MYO1D: variants seen among roughly 807,000 people sequenced by gnomAD.
MYO1D encodes myosin ID.
MYO1D carries 83 observed loss-of-function variants against 122.0 expected under a neutral mutation model. That is an observed-to-expected ratio of 0.68 (90% confidence interval 0.57 to 0.82). MYO1D has a LOEUF of 0.82. Among genes scored for constraint, MYO1D ranks in the 40% least tolerant of loss-of-function variants. The probability of loss-of-function intolerance (pLI) is 0.00; values close to 1 mark genes in which losing one functional copy is unlikely to be tolerated. For synonymous variants in MYO1D, 464 were observed against 446.9 expected (o/e 1.04, Z -0.48); for missense variants, 1,157 against 1,269.5 (o/e 0.91, Z 1.35).
intron 19 of MYO1D, among the ~76,000 whole-genome samples, chr17:32,653,221 C>T (rs1053965737): frequency 6.6e-6 from 1 of 151,520 alleles, no homozygotes; most frequent in African/African-American, 2.4e-5. Context: ...AGATATACAG[C>T]TGCTATGAAA....
intron 19 of MYO1D, 91 bp downstream of exon 19, chr17:32,653,752 T>A (rs534025110): frequency 9.3e-4 from 981 of 1,049,684 alleles, no homozygotes; most frequent in Non-Finnish European, 1.3e-3. Flanking sequence ...GTTATGTACC[T>A]ACTGTTATGT....
intron 21 of MYO1D, among the ~76,000 whole-genome samples, chr17:32,583,359 A>AT (rs1257537100): frequency 1.3e-5 from 2 of 151,656 alleles, no homozygotes; most frequent in Non-Finnish European, 2.9e-5. Context: ...TTTCTTCATG[A>AT]TTTTTTTTGT....
In MYO1D at chr17:32,695,415, T is replaced by C. The variant is rs187816417; in HGVS notation, c.2121+16573A>G. ...CCAGTACCAGTCTGCCACTTGGGGA[T>C]TGGGGACCCCTGCCTTAGATTACAG... On this transcript the variant is annotated intron_variant, in intron 16 of 21. Coordinates refer to ENST00000318217, the MANE Select transcript of MYO1D (RefSeq NM_015194.3). Among the ~76,000 whole-genome samples, 33 of 152,362 alleles carry C rather than the reference T, an allele frequency of 2.2e-4. No individual in the cohort carries two copies. In the East Asian group the frequency reaches 3.3e-3, roughly 15 times the overall value.
intron 21 of MYO1D, among the ~76,000 whole-genome samples, chr17:32,495,279 C>T (rs1325928778): frequency 5.3e-5 from 8 of 152,222 alleles, no homozygotes; most frequent in Non-Finnish European, 1.0e-4. Context: ...ATCCATCCTG[C>T]GGGAGACCCG....
At chr17:32,772,708 C>T (rs2090127934) in intron 5 of MYO1D, 81 bp downstream of exon 5, 1 of 1,187,026 alleles carries the variant, frequency 8.4e-7, no homozygotes, top group African/African-American at 1.5e-5. Context: ...ATGCATAGGA[C>T]AGGGGAAAGC....
chr17:32,766,424 T>C (rs2090057549), intron 7 of MYO1D, among the ~76,000 whole-genome samples: 1 of 152,204 alleles, frequency 6.6e-6, no homozygotes, highest in African/African-American at 2.4e-5. Flanking sequence ...TCCCTTACCC[T>C]ACCCTATACG....
intron 1 of MYO1D, among the ~76,000 whole-genome samples, chr17:32,822,451 G>T (rs986164171): frequency 6.6e-6 from 1 of 150,762 alleles, no homozygotes; most frequent in Admixed American, 6.6e-5. Context: ...GGCCTCTCCC[G>T]CCGACCACGG....
Position 32,704,538 on chromosome 17 carries a change from C to G in MYO1D, c.2121+7450G>C, listed in dbSNP as rs376719474. ...ACCTTAACAGTGTACATCTTTTAAA[C>G]CAACAATTTCGTGTCTGAGAATTTA... On this transcript the variant is annotated intron_variant, in intron 16 of 21. Transcript: ENST00000318217. Among the ~76,000 whole-genome samples the G allele has an allele frequency of 7.2e-5, 11 of 152,242 alleles. No individual in the cohort carries two copies. In the East Asian group the frequency reaches 1.9e-3, roughly 27 times the overall value.
intron 20 of MYO1D, among the ~76,000 whole-genome samples, chr17:32,623,721 G>A (rs988824724): frequency 2.0e-5 from 3 of 152,134 alleles, no homozygotes; most frequent in Admixed American, 6.5e-5. Flanking sequence ...ATAAACTGGT[G>A]GCTTATAAAC....
At position 32,772,779 on chromosome 17, in the gene MYO1D, G is replaced by C; in HGVS notation, c.618+10C>G. ...CAAATGATCAATTATCTGTATAATGGATTACTAACCTGATAGAAAGAATGA... is the reference window on the plus strand; with the variant it reads ...CAAATGATCAATTATCTGTATAATGCATTACTAACCTGATAGAAAGAATGA... On this transcript the variant is annotated intron_variant, in intron 5 of 21. Coordinates refer to ENST00000318217, the MANE Select transcript of MYO1D (RefSeq NM_015194.3). 1 of 1,600,600 alleles carries C rather than the reference G, an allele frequency of 6.2e-7. No homozygotes were observed. The highest frequency in any genetic ancestry group is 8.6e-7 in the Non-Finnish European group (1 of 1,167,708).
intron 1 of MYO1D, among the ~76,000 whole-genome samples, chr17:32,861,135 C>T (rs2091071446): frequency 6.6e-6 from 1 of 151,536 alleles, no homozygotes; most frequent in Non-Finnish European, 1.5e-5. Context: ...GTGGCGCAAC[C>T]TCAGCTCACT....
At chr17:32,553,007 C>A (rs2087032181) in intron 21 of MYO1D, among the ~76,000 whole-genome samples, 1 of 143,316 alleles carries the variant, frequency 7.0e-6, no homozygotes, top group Non-Finnish European at 1.5e-5. Flanking sequence ...GAGGCTGAGG[C>A]AGGAGGACTG....
intron 16 of MYO1D, among the ~76,000 whole-genome samples, chr17:32,661,006 T>C (rs1248051381): frequency 1.3e-5 from 2 of 152,198 alleles, no homozygotes; most frequent in African/African-American, 4.8e-5. Context: ...CTATAAAGGA[T>C]ATCAATCTTT....
intron 1 of MYO1D, among the ~76,000 whole-genome samples, chr17:32,873,607 G>C (rs1284185077): frequency 6.6e-6 from 1 of 152,194 alleles, no homozygotes; most frequent in Non-Finnish European, 1.5e-5. Flanking sequence ...TCTGCAAAGT[G>C]AAAGGAAAGA....
chr17:32,561,284 T>C (rs183361877), intron 21 of MYO1D, among the ~76,000 whole-genome samples: 142 of 152,276 alleles, frequency 9.3e-4, no homozygotes, highest in African/African-American at 3.2e-3. Flanking sequence ...ATAACATCCA[T>C]CACTCAGTCC....
At chr17:32,756,213 A>C (rs957104206) in intron 10 of MYO1D, 1 of 227,518 alleles carries the variant, frequency 4.4e-6, no homozygotes, top group African/African-American at 2.2e-5. Flanking sequence ...TTACCTTTAA[A>C]TACTGTTAAT....
At position 32,780,607 on chromosome 17, in the gene MYO1D, C is replaced by T; in HGVS notation, c.273G>A (p.Arg91=). ...TCACAATACAAGTGTCTTTTGATCG[C>T]CTCTTCATAGCCTTGTAAGCAGCAT... The part of the protein sequence containing the change: ...IADAAYKAMK[R]RSKDTCIVIS... Residue 91 remains arginine, a synonymous_variant, in exon 2 of 22, where the codon AGG becomes AGA. Coordinates refer to ENST00000318217, the MANE Select transcript of MYO1D (RefSeq NM_015194.3). 3 of 1,614,104 alleles carry T rather than the reference C, an allele frequency of 1.9e-6. No individual in the cohort carries two copies. Among genetic ancestry groups the T allele is most frequent in the South Asian group, 2.2e-5 (2 of 91,082 alleles).
intron 1 of MYO1D, among the ~76,000 whole-genome samples, chr17:32,832,290 CTTCTTT>C (rs2090778649): frequency 6.7e-6 from 1 of 148,704 alleles, no homozygotes; most frequent in Admixed American, 6.7e-5. Context: ...TTTTTTCTTT[CTTCTTT>C]TTTTTTTTTT....
At chr17:32,539,537 T>G (rs1910774006) in intron 21 of MYO1D, among the ~76,000 whole-genome samples, 3 of 152,184 alleles carry the variant, frequency 2.0e-5, no homozygotes, top group African/African-American at 7.2e-5. Context: ...TAGGGTTCTC[T>G]GTCTCTTCCA....
Sources: gnomAD v4.1 joint callset for allele counts (sites outside exome capture counted in the v4.1 genomes callset) on GRCh38, gnomAD v4.1.1 for gene constraint, MANE v1.5 for transcripts, NCBI Gene and HGNC (gene_info 2026-07-23, HGNC 2026-07-21) for gene names.